The following CALCR variants were observed in gnomAD, a reference collection of about 807,000 sequenced individuals.
CALCR encodes calcitonin receptor.
A neutral mutation model predicts 59.5 loss-of-function variants in CALCR; 47 were observed. The ratio of observed to expected loss-of-function variants is 0.79; its 90% CI spans 0.63 to 1.01. The LOEUF (loss-of-function observed/expected upper bound fraction) is 1.01. Ranked by LOEUF, CALCR falls within the 50% of genes least tolerant of loss-of-function variation. CALCR has a pLI of 0.00. For missense variants in CALCR, 566 were observed against 597.1 expected, an observed-to-expected ratio of 0.95 and a Z score of 0.54; for synonymous variants, 213 against 211.3, an observed-to-expected ratio of 1.01 and a Z score of -0.07.
intron 2 of CALCR, among the ~76,000 whole-genome samples, chr7:93,489,492 A>G (rs1045824664): frequency 6.6e-6 from 1 of 151,592 alleles, no homozygotes; most frequent in Admixed American, 6.6e-5. Flanking sequence ...TTTTTTAAAA[A>G]AATTTAAAAA....
intron 2 of CALCR, among the ~76,000 whole-genome samples, chr7:93,561,810 C>T (rs534805401): frequency 6.6e-6 from 1 of 152,080 alleles, no homozygotes; most frequent in African/African-American, 2.4e-5. Flanking sequence ...CTGTGTGAGA[C>T]CCTGAAAAAT....
At chr7:93,545,483 T>G (rs187161467) in intron 2 of CALCR, among the ~76,000 whole-genome samples, 51 of 152,216 alleles carry the variant, frequency 3.4e-4, no homozygotes, top group African/African-American at 1.2e-3. Context: ...AATTAAAAGA[T>G]CCAGGTCAAA....
chr7:93,550,709 A>C (rs1789435773), intron 2 of CALCR, among the ~76,000 whole-genome samples: 1 of 151,820 alleles, frequency 6.6e-6, no homozygotes, highest in Non-Finnish European at 1.5e-5. Context: ...GCGATGGCAA[A>C]ACACCTACTT....
At chr7:93,437,674 G>A (rs747461522) in intron 11 of CALCR, among the ~76,000 whole-genome samples, 4 of 152,084 alleles carry the variant, frequency 2.6e-5, no homozygotes, top group Non-Finnish European at 5.9e-5. Flanking sequence ...TGGACCTTAA[G>A]TTCACAGAAC....
chr7:93,530,761 T>C (rs1788811704), intron 2 of CALCR, among the ~76,000 whole-genome samples: 1 of 152,150 alleles, frequency 6.6e-6, no homozygotes, highest in South Asian at 2.1e-4. Context: ...CATCCTTATA[T>C]AAATTCTTTG....
At chr7:93,552,113 G>C (rs576797016) in intron 2 of CALCR, among the ~76,000 whole-genome samples, 1 of 152,264 alleles carries the variant, frequency 6.6e-6, no homozygotes, top group South Asian at 2.1e-4. Context: ...AGAAAAGCTT[G>C]AGTCATCACA....
intron 8 of CALCR, 39 bp downstream of exon 8, chr7:93,460,782 T>C (rs1369886464): frequency 1.1e-5 from 16 of 1,521,200 alleles, no homozygotes; most frequent in Non-Finnish European, 1.4e-5. Flanking sequence ...TACTATATCC[T>C]TTAAAATAAA....
At chr7:93,565,372 CCA>C in intron 2 of CALCR, among the ~76,000 whole-genome samples, 1 of 152,288 alleles carries the variant, frequency 6.6e-6, no homozygotes, top group South Asian at 2.1e-4. Context: ...ACCATAACTT[CCA>C]GTTTTGATAT....
intron 2 of CALCR, among the ~76,000 whole-genome samples, chr7:93,573,228 T>G (rs1027013539): frequency 2.0e-5 from 3 of 152,224 alleles, no homozygotes; most frequent in African/African-American, 4.8e-5. Context: ...CATTCCTACT[T>G]TGTCCTTAAT....
intron 2 of CALCR, among the ~76,000 whole-genome samples, chr7:93,490,174 T>C (rs542090110): frequency 3.3e-5 from 5 of 152,160 alleles, no homozygotes; most frequent in African/African-American, 7.2e-5. Flanking sequence ...ATTATCTCAA[T>C]AGATGCAGAA....
rs1800740850 is a variant in CALCR at position 93,479,358 on chromosome 7, T to C, written c.201A>G (p.Gly67=). Residue 67 remains glycine (G), a synonymous_variant, in exon 4 of 14, where the codon GGA becomes GGG. Coordinates refer to ENST00000426151, the MANE Select transcript of CALCR (RefSeq NM_001742.4). Reference sequence around the variant, plus strand: ...CATATATATCCTTCTCTTTACCTTCTCCTTGGTATGCGGGTAACTGCTGCA... The same window carrying C: ...CATATATATCCTTCTCTTTACCTTCCCCTTGGTATGCGGGTAACTGCTGCA... ...DRMQQLPAYQ[G]EGPYCNRTWD... 2 of 1,607,084 alleles carry C rather than the reference T, an allele frequency of 1.2e-6. No individual in the cohort carries two copies. The highest frequency in any genetic ancestry group is 8.5e-7 in the Non-Finnish European group (1 of 1,177,208).
chr7:93,517,236 C>A (rs566407226), intron 2 of CALCR, among the ~76,000 whole-genome samples: 47 of 146,006 alleles, frequency 3.2e-4, no homozygotes, highest in African/African-American at 1.3e-3. Context: ...TGCTTCTAAC[C>A]TCAGGAAATC....
At chr7:93,456,481 A>C (rs1328214065) in intron 8 of CALCR, among the ~76,000 whole-genome samples, 2 of 151,974 alleles carry the variant, frequency 1.3e-5, no homozygotes, top group African/African-American at 2.4e-5. Context: ...ACCAAACCCC[A>C]TATGTGTGGT....
intron 2 of CALCR, among the ~76,000 whole-genome samples, chr7:93,551,712 A>G (rs1320195319): frequency 6.6e-6 from 1 of 152,184 alleles, no homozygotes; most frequent in Non-Finnish European, 1.5e-5. Context: ...GGAAGGTGCC[A>G]GTGACCTCTA....
rs148088719 is a variant in CALCR, at chr7:93,494,042, C to T, written c.-26-7035G>A. Among the ~76,000 whole-genome samples, 414 of 151,394 alleles carry T rather than the reference C, an allele frequency of 2.7e-3. 4 individuals carry two copies. Among genetic ancestry groups the T allele is most frequent in the African/African-American group, 9.0e-3 (371 of 41,426 alleles). On this transcript the variant is annotated intron_variant, in intron 2 of 13. Transcript: ENST00000426151. ...TGCTCATGATTGTCCTGTAATGTAG[C>T]CTCTGAGAGAAGAAGGATATGTAGA...
chr7:93,510,123 T>G (rs1405086077), intron 2 of CALCR, among the ~76,000 whole-genome samples: 1 of 152,210 alleles, frequency 6.6e-6, no homozygotes, highest in African/African-American at 2.4e-5. Context: ...TTATTTATTA[T>G]TTCATTGATC....
chr7:93,497,451 T>C (rs891538177), intron 2 of CALCR, among the ~76,000 whole-genome samples: 2 of 151,634 alleles, frequency 1.3e-5, no homozygotes, highest in African/African-American at 4.8e-5. Context: ...CAAAATGTTG[T>C]AGATTCTCCT....
intron 8 of CALCR, among the ~76,000 whole-genome samples, chr7:93,449,049 C>T (rs1018040622): frequency 5.9e-5 from 9 of 152,028 alleles, no homozygotes; most frequent in South Asian, 2.1e-4. Flanking sequence ...AAAATTATTT[C>T]GAAATGGTCT....
At chr7:93,567,755 G>A (rs1789899678) in intron 2 of CALCR, among the ~76,000 whole-genome samples, 1 of 150,354 alleles carries the variant, frequency 6.7e-6, no homozygotes, top group African/African-American at 2.4e-5. Context: ...CTGTGTCCAA[G>A]TGTTCTCATT....
Sources: allele counts gnomAD v4.1 joint callset (sites outside exome capture counted in the v4.1 genomes callset), GRCh38; gene constraint gnomAD v4.1.1; transcripts MANE v1.5; gene names NCBI Gene and HGNC (gene_info 2026-07-23, HGNC 2026-07-21).